The following MYRFL variants were observed in gnomAD, a reference collection of about 807,000 sequenced individuals.
The protein encoded by MYRFL is myelin regulatory factor-like protein.
Under a neutral mutation model 109.4 loss-of-function variants are expected in MYRFL, and 88 were observed. That is an observed-to-expected ratio of 0.80 (90% CI 0.68 to 0.96). The LOEUF is 0.96. Ranked by LOEUF, MYRFL falls within the 40% of genes least tolerant of loss-of-function variation. The pLI, the probability that MYRFL is intolerant of heterozygous loss-of-function variation, is 0.00. For synonymous variants in MYRFL, 324 were observed against 320.9 expected (o/e 1.01, Z -0.10); for missense variants, 957 against 954.9 (o/e 1.00, Z -0.03).
intron 1 of MYRFL, among the ~76,000 whole-genome samples, chr12:69,842,725 G>A (rs982086793): frequency 1.3e-5 from 2 of 152,178 alleles, no homozygotes; most frequent in South Asian, 4.2e-4. Flanking sequence ...TTTGTTCCTA[G>A]GATGTTTATC....
intron 2 of MYRFL, among the ~76,000 whole-genome samples, chr12:69,877,269 C>G (rs1885747203): frequency 6.6e-6 from 1 of 151,906 alleles, no homozygotes; most frequent in South Asian, 2.1e-4. Flanking sequence ...GTGATCCGCC[C>G]GCCTCCGCCT....
chr12:69,911,070 G>A (rs1954551486), intron 13 of MYRFL, 140 bp downstream of exon 13: 5 of 494,306 alleles, frequency 1.0e-5, no homozygotes, highest in Admixed American at 3.7e-5. Flanking sequence ...GGAGTGAGTA[G>A]GTATCAACTC....
intron 10 of MYRFL, among the ~76,000 whole-genome samples, chr12:69,897,860 T>C (rs1022363604): frequency 2.0e-5 from 3 of 152,190 alleles, no homozygotes; most frequent in African/African-American, 7.2e-5. Flanking sequence ...CACATGGGAA[T>C]GGCTGGTTCA....
At chr12:69,946,478 C>G (rs977130799) in intron 19 of MYRFL, 1 of 151,944 alleles carries the variant, frequency 6.6e-6, no homozygotes, top group African/African-American at 2.4e-5. Flanking sequence ...TTTTTGGCCC[C>G]GAGAATCCAC....
intron 19 of MYRFL, among the ~76,000 whole-genome samples, chr12:69,945,740 C>A (rs1955812604): frequency 6.6e-6 from 1 of 151,880 alleles, no homozygotes; most frequent in Non-Finnish European, 1.5e-5. Context: ...GTAATCCCAG[C>A]ACTTTGGGAG....
chr12:69,831,543 G>A (rs1882633906), intron 1 of MYRFL, among the ~76,000 whole-genome samples: 2 of 152,170 alleles, frequency 1.3e-5, no homozygotes, highest in Non-Finnish European at 2.9e-5. Flanking sequence ...GTGGGACTAT[G>A]GATAGGTTCA....
chr12:69,870,734 T>A (rs1299558316), intron 2 of MYRFL, among the ~76,000 whole-genome samples: 1 of 152,150 alleles, frequency 6.6e-6, no homozygotes, highest in Non-Finnish European at 1.5e-5. Flanking sequence ...TAAAATACAA[T>A]GAAATAAAGG....
chr12:69,931,549 T>G (rs182023182), intron 15 of MYRFL, among the ~76,000 whole-genome samples: 8 of 152,270 alleles, frequency 5.3e-5, no homozygotes, highest in Non-Finnish European at 1.5e-5. Flanking sequence ...CAATTTAAAA[T>G]TATTACCACC....
chr12:69,846,076 G>A (rs1032329284), intron 1 of MYRFL, among the ~76,000 whole-genome samples: 1 of 137,068 alleles, frequency 7.3e-6, no homozygotes, highest in Non-Finnish European at 1.5e-5. Flanking sequence ...ACCCTTGGAT[G>A]CTGGCTTTTA....
At chr12:69,958,418 CTTT>C in intron 24 of MYRFL, 24 bp from the exon 25 acceptor site, 1 of 1,208,648 alleles carries the variant, frequency 8.3e-7, no homozygotes, top group Non-Finnish European at 1.1e-6. Context: ...ATTAATCTTC[CTTT>C]TTTTTTTTCT....
At chr12:69,840,374 C>T (rs1166436815) in intron 1 of MYRFL, among the ~76,000 whole-genome samples, 1 of 152,212 alleles carries the variant, frequency 6.6e-6, no homozygotes, top group East Asian at 1.9e-4. Flanking sequence ...TACAAATTCA[C>T]CTGATTCTAG....
At chr12:69,829,240 T>C (rs1882471717) in intron 1 of MYRFL, among the ~76,000 whole-genome samples, 2 of 152,110 alleles carry the variant, frequency 1.3e-5, no homozygotes, top group Admixed American at 6.6e-5. Context: ...TTTGAACATT[T>C]TCTGCCCCTG....
chr12:69,864,691 A>G (rs922475965), intron 2 of MYRFL, among the ~76,000 whole-genome samples: 1 of 149,204 alleles, frequency 6.7e-6, no homozygotes, highest in Admixed American at 6.7e-5. Context: ...ACACACACAG[A>G]GCTAGTAGGT....
In MYRFL at chr12:69,891,079, C is replaced by A. The variant is rs541173571; in HGVS notation, c.816C>A (p.Ile272=). The A allele has an allele frequency of 1.3e-5, 20 of 1,535,026 alleles. No individual in the cohort carries two copies. In the East Asian group the frequency reaches 4.9e-4, roughly 38 times the overall value. ...ATCATTTCCAGATAACCATTCACAT[C>A]CAAGTTTGGGGAAGTCCAAAATTTG... The part of the protein sequence containing the change: ...KKNHFQITIH[I]QVWGSPKFVE... The change falls in exon 7 of 25, where the codon ATC becomes ATA. Residue 272 remains isoleucine, a synonymous_variant. Coordinates refer to ENST00000552032, the MANE Select transcript of MYRFL (RefSeq NM_182530.3).
At chr12:69,842,811 C>A (rs973204977) in intron 1 of MYRFL, among the ~76,000 whole-genome samples, 1 of 152,180 alleles carries the variant, frequency 6.6e-6, no homozygotes, top group Non-Finnish European at 1.5e-5. Context: ...CCTTGGCTCA[C>A]CCCAGGCCAG....
Position 69,952,100 on chromosome 12 carries a change from G to T in MYRFL, c.2225-13G>T. 6.5e-7 allele frequency: 1 copy of T among 1,535,976 alleles called. No homozygotes were observed. Among genetic ancestry groups the T allele is most frequent in the Non-Finnish European group, 8.7e-7 (1 of 1,146,758 alleles). ...ACAAGCCTTCAAGATTGACAGACTT[G>T]TTTCCTTTTCAGAAGACAAAAGCAA... On this transcript the variant is annotated splice_polypyrimidine_tract_variant and intron_variant, in intron 19 of 24. Transcript: ENST00000552032.
intron 19 of MYRFL, among the ~76,000 whole-genome samples, chr12:69,951,531 G>A (rs1210284332): frequency 6.7e-6 from 1 of 149,186 alleles, no homozygotes; most frequent in Non-Finnish European, 1.5e-5. Flanking sequence ...AGGTTCAAGT[G>A]ATTCTCCTGC....
intron 1 of MYRFL, among the ~76,000 whole-genome samples, chr12:69,846,890 C>G (rs1466405585): frequency 6.6e-6 from 1 of 151,904 alleles, no homozygotes; most frequent in Non-Finnish European, 1.5e-5. Flanking sequence ...GATCACCATT[C>G]TAACTGGTGT....
intron 2 of MYRFL, among the ~76,000 whole-genome samples, chr12:69,865,620 T>C (rs1206447307): frequency 6.6e-6 from 1 of 152,044 alleles, no homozygotes; most frequent in African/African-American, 2.4e-5. Context: ...CCAGTGTCCT[T>C]CATTTCAAAG....
Sources: allele counts gnomAD v4.1 joint callset (sites outside exome capture counted in the v4.1 genomes callset), GRCh38; gene constraint gnomAD v4.1.1; transcripts MANE v1.5; gene names NCBI Gene and HGNC (gene_info 2026-07-23, HGNC 2026-07-21).